The following AXDND1 variants were observed in gnomAD, a reference collection of about 807,000 sequenced individuals.
The protein encoded by AXDND1 is axonemal dynein light chain domain-containing protein 1.
Under a neutral mutation model 137.5 loss-of-function variants are expected in AXDND1, and 110 were observed. The observed-to-expected ratio is 0.80, with a 90% CI of 0.69 to 0.94. The LOEUF (loss-of-function observed/expected upper bound fraction) is 0.94. Among genes scored for constraint, AXDND1 ranks in the 40% least tolerant of loss-of-function variants. AXDND1 has a pLI of 0.00. For synonymous variants in AXDND1, 414 were observed against 399.7 expected (o/e 1.04, Z -0.43); for missense variants, 1,191 against 1,169.8 (o/e 1.02, Z -0.26).
chr1:179,383,405 A>G, intron 7 of AXDND1, 37 bp from the exon 8 acceptor site: 1 of 1,477,664 alleles, frequency 6.8e-7, no homozygotes, highest in Middle Eastern at 1.7e-4. Context: ...CCCTGTTGCA[A>G]TGTTAATTGC....
chr1:179,409,589 TATG>T (rs1653530593), intron 11 of AXDND1, among the ~76,000 whole-genome samples: 1 of 152,168 alleles, frequency 6.6e-6, no homozygotes, highest in South Asian at 2.1e-4. Context: ...GTATTAAGAA[TATG>T]ATGTTTAGCC....
chr1:179,474,678 G>A (rs1664389587), intron 17 of AXDND1, among the ~76,000 whole-genome samples: 2 of 151,788 alleles, frequency 1.3e-5, no homozygotes, highest in Admixed American at 1.3e-4. Flanking sequence ...AAGCATTCAA[G>A]AGGAAGCAGA....
chr1:179,513,580 G>A (rs758634226), intron 21 of AXDND1, among the ~76,000 whole-genome samples: 1 of 152,098 alleles, frequency 6.6e-6, no homozygotes, highest in Non-Finnish European at 1.5e-5. Flanking sequence ...TGCCTTCATA[G>A]AATGAATTAG....
chr1:179,438,310 A>G (rs1027296150), intron 15 of AXDND1, among the ~76,000 whole-genome samples: 1 of 152,180 alleles, frequency 6.6e-6, no homozygotes, highest in African/African-American at 2.4e-5. Context: ...TAAAATGACA[A>G]TGCATTTGCT....
At chr1:179,457,890 G>A (rs1226478903) in intron 16 of AXDND1, among the ~76,000 whole-genome samples, 2 of 152,204 alleles carry the variant, frequency 1.3e-5, no homozygotes, top group East Asian at 1.9e-4. Context: ...TTTCAGGCAT[G>A]TGGTAACTAG....
chr1:179,456,439 C>A, intron 16 of AXDND1: 1 of 767,914 alleles, frequency 1.3e-6, no homozygotes. Context: ...CTTCCACTAC[C>A]ACCACCAAAG....
At chr1:179,533,493 CTT>C (rs1162799850) in intron 23 of AXDND1, among the ~76,000 whole-genome samples, 1 of 151,974 alleles carries the variant, frequency 6.6e-6, no homozygotes, top group East Asian at 1.9e-4. Flanking sequence ...TTTTTTAAAT[CTT>C]TTTTTATTTC....
intron 12 of AXDND1, among the ~76,000 whole-genome samples, chr1:179,413,911 T>G (rs1231568580): frequency 6.6e-6 from 1 of 152,170 alleles, no homozygotes; most frequent in Non-Finnish European, 1.5e-5. Flanking sequence ...ATCTGTTTTT[T>G]TTTTACTTTT....
chr1:179,384,889 G>T (rs906285571), intron 8 of AXDND1, among the ~76,000 whole-genome samples: 1 of 151,346 alleles, frequency 6.6e-6, no homozygotes, highest in Non-Finnish European at 1.5e-5. Context: ...TCAGCCTCCC[G>T]AGTAGCTGGG....
At chr1:179,529,857 A>G (rs866270447) in intron 23 of AXDND1, among the ~76,000 whole-genome samples, 5 of 152,068 alleles carry the variant, frequency 3.3e-5, no homozygotes, top group South Asian at 4.2e-4. Context: ...TCAAATAAAT[A>G]TATTTGGGGG....
intron 16 of AXDND1, chr1:179,456,390 T>C: frequency 1.3e-6 from 1 of 785,426 alleles, no homozygotes; most frequent in South Asian, 1.3e-5. Flanking sequence ...ATTGTTGTAA[T>C]TGCCAAAATC....
At chr1:179,391,671 G>C (rs551284145) in intron 9 of AXDND1, among the ~76,000 whole-genome samples, 6 of 152,082 alleles carry the variant, frequency 3.9e-5, no homozygotes, top group African/African-American at 1.4e-4. Context: ...CAAGTAGCTA[G>C]GATTACAAGT....
intron 25 of AXDND1, chr1:179,551,820 G>A: frequency 3.7e-6 from 1 of 273,102 alleles, no homozygotes; most frequent in Non-Finnish European, 7.1e-6. Context: ...AAAGTGAATG[G>A]GTAAACATTT....
chr1:179,368,202 C>A (rs1422814035), intron 2 of AXDND1, among the ~76,000 whole-genome samples: 1 of 152,180 alleles, frequency 6.6e-6, no homozygotes, highest in Non-Finnish European at 1.5e-5. Flanking sequence ...TTATTACTCC[C>A]CTGCCCTAGT....
chr1:179,438,034 C>T lies in AXDND1; in HGVS notation c.1563+5692C>T, dbSNP rs969794279. Reference sequence around the variant, plus strand: ...AGGCATGGTGGCAGGTGACTATAATCCCAGCTACTCAGGATGCTGAGGCTG... The same window carrying T: ...AGGCATGGTGGCAGGTGACTATAATTCCAGCTACTCAGGATGCTGAGGCTG... On this transcript the variant is annotated intron_variant, in intron 15 of 25. Coordinates refer to ENST00000367618, the MANE Select transcript of AXDND1 (RefSeq NM_144696.6). Among the ~76,000 whole-genome samples, 8 of 152,116 alleles carry T rather than the reference C, an allele frequency of 5.3e-5. No homozygotes were observed. The East Asian group carries it at 1.5e-3, about 29-fold the overall frequency.
chr1:179,423,552 A>G (rs915593063), intron 12 of AXDND1, among the ~76,000 whole-genome samples: 1 of 151,708 alleles, frequency 6.6e-6, no homozygotes, highest in African/African-American at 2.4e-5. Flanking sequence ...GTTATCTCTG[A>G]TATTATGTTT....
At chr1:179,439,404 G>A (rs1658660150) in intron 15 of AXDND1, among the ~76,000 whole-genome samples, 2 of 152,146 alleles carry the variant, frequency 1.3e-5, no homozygotes, top group South Asian at 4.2e-4. Flanking sequence ...CCTTCCAGTG[G>A]AAGGTATAAT....
chr1:179,424,312 G>C (rs1378355136), intron 12 of AXDND1, among the ~76,000 whole-genome samples: 5 of 151,928 alleles, frequency 3.3e-5, no homozygotes, highest in Admixed American at 3.3e-4. Context: ...TGGCCTTTGA[G>C]AGTTTGATTG....
At chr1:179,445,760 T>C (rs567827974) in intron 16 of AXDND1, among the ~76,000 whole-genome samples, 81 of 152,386 alleles carry the variant, frequency 5.3e-4, no homozygotes, top group African/African-American at 1.8e-3. Flanking sequence ...TGGTAGGCAT[T>C]TGGGTTGTTT....
Sources: allele counts gnomAD v4.1 joint callset (sites outside exome capture counted in the v4.1 genomes callset), GRCh38; gene constraint gnomAD v4.1.1; transcripts MANE v1.5; gene names NCBI Gene and HGNC (gene_info 2026-07-23, HGNC 2026-07-21).